AFMID: variants seen among roughly 807,000 people sequenced by gnomAD.
The protein encoded by AFMID is kynurenine formamidase.
AFMID carries 39 observed loss-of-function variants against 47.5 expected under a neutral mutation model. That is an observed-to-expected ratio of 0.82 (90% confidence interval 0.64 to 1.07). The LOEUF is 1.07. AFMID is among the 50% of genes least tolerant of loss of function. The pLI is 0.00. For synonymous variants in AFMID, 130 were observed against 153.2 expected (o/e 0.85, Z 1.12); for missense variants, 375 against 387.5 (o/e 0.97, Z 0.27).
intron 10 of AFMID, 127 bp downstream of exon 10, chr17:78,206,177 A>T (rs2076375445): frequency 6.8e-6 from 5 of 740,408 alleles, no homozygotes; most frequent in Non-Finnish European, 1.1e-5. Flanking sequence ...GTCTACTAAA[A>T]ATACAAAACA....
Position 78,204,853 on chromosome 17 carries a change from G to T in AFMID, c.420G>T (p.Gln140His). Residue 140 changes from glutamine (Q) to histidine (H), a missense_variant, in exon 6 of 11, where the codon CAG becomes CAT. By Grantham distance (24) the Gln-to-His change is conservative (BLOSUM62 0). Transcript: ENST00000409257. ...GCACCCTGGACCACATGGTAGACCA[G>T]GTGACCCGCAGCGTTGCGTTTGTCC... ...PKGTLDHMVDQVTRSVAFVQK... is the reference protein window; with the variant it reads ...PKGTLDHMVDHVTRSVAFVQK... The T allele has an allele frequency of 6.2e-7, 1 of 1,614,234 alleles. No homozygotes were observed. The highest frequency in any genetic ancestry group is 8.5e-7 in the Non-Finnish European group (1 of 1,180,042).
At position 78,204,826 on chromosome 17, in the gene AFMID, A is replaced by T. The variant is rs138105144; in HGVS notation, c.395-2A>T. 6.2e-7 allele frequency: 1 copy of T among 1,614,116 alleles called. No individual in the cohort carries two copies. Among genetic ancestry groups the T allele is most frequent in the Non-Finnish European group, 8.5e-7 (1 of 1,180,046 alleles). ...CTGACCCAGCTCATGCTCTCTGTGC[A>T]GGCACCCTGGACCACATGGTAGACC... On this transcript the variant is annotated splice_acceptor_variant, in intron 5 of 10. Transcript: ENST00000409257. LOFTEE classifies it high-confidence loss of function.
In AFMID at chr17:78,187,363, T is replaced by C; in HGVS notation, c.-8T>C. The C allele has an allele frequency of 1.2e-6, 2 of 1,613,806 alleles. No individual in the cohort carries two copies. The highest frequency in any genetic ancestry group is 1.1e-5 in the South Asian group (1 of 91,078). The stretch of plus-strand genomic sequence containing the variant: ...AGAGGGACGCACGCCCATGCGGCTG[T>C]AGACGCCATGATGGATGTGTCTGGT... On this transcript the variant is annotated 5_prime_UTR_variant, in exon 1 of 11. Coordinates refer to ENST00000409257, the MANE Select transcript of AFMID (RefSeq NM_001010982.5).
chr17:78,192,847 T>G (rs958350178), intron 2 of AFMID: 1 of 274,948 alleles, frequency 3.6e-6, no homozygotes, highest in Non-Finnish European at 7.6e-6. Context: ...CAACACAGCC[T>G]TTCAGAGGCA....
At chr17:78,189,977 G>A (rs1002655941) in intron 1 of AFMID, among the ~76,000 whole-genome samples, 3 of 151,410 alleles carry the variant, frequency 2.0e-5, no homozygotes, top group Admixed American at 6.6e-5. Flanking sequence ...GATTACAGGC[G>A]CGCGTCACCA....
intron 10 of AFMID, 84 bp from the exon 11 acceptor site, chr17:78,206,827 C>T: frequency 2.0e-6 from 3 of 1,509,978 alleles, no homozygotes; most frequent in South Asian, 1.1e-5. Flanking sequence ...CCACTGCATC[C>T]AGCCCTGTCT....
chr17:78,207,044 G>A lies in AFMID; in HGVS notation c.*107G>A. ...AGCTTCAGTTTCCCCCAGCACCCAG[G>A]AGAGCCTTGCTGTGTCTGTCTGCCC... is the stretch of plus-strand genomic sequence containing the variant. On this transcript the variant is annotated 3_prime_UTR_variant, in exon 11 of 11. Coordinates refer to ENST00000409257, the MANE Select transcript of AFMID (RefSeq NM_001010982.5). 8.1e-7 allele frequency: 1 copy of A among 1,238,880 alleles called. No individual in the cohort carries two copies. Among genetic ancestry groups the A allele is most frequent in the South Asian group, 1.2e-5 (1 of 83,252 alleles). 76.7% of individuals were successfully genotyped at this position (1,238,880 alleles called of 1,614,324 possible).
intron 2 of AFMID, 31 bp downstream of exon 2, chr17:78,191,091 G>A (rs1297247605): frequency 6.3e-7 from 1 of 1,585,060 alleles, no homozygotes; most frequent in South Asian, 1.1e-5. Context: ...TGGCCGCATT[G>A]GGTGTCCTTA....
At chr17:78,202,082 C>T (rs1377584876) in intron 2 of AFMID, among the ~76,000 whole-genome samples, 4 of 151,858 alleles carry the variant, frequency 2.6e-5, no homozygotes, top group African/African-American at 9.7e-5. Flanking sequence ...AACACGCCAA[C>T]TTAAGGGAGC....
At chr17:78,194,428 G>A (rs1482154282) in intron 2 of AFMID, among the ~76,000 whole-genome samples, 1 of 151,918 alleles carries the variant, frequency 6.6e-6, no homozygotes, top group Non-Finnish European at 1.5e-5. Context: ...CTTTGCACCA[G>A]GGAGAATTAT....
chr17:78,199,114 G>C (rs1828710830), intron 2 of AFMID, among the ~76,000 whole-genome samples: 1 of 152,214 alleles, frequency 6.6e-6, no homozygotes, highest in African/African-American at 2.4e-5. Context: ...CGTGGGTGCT[G>C]GCAAAACAGG....
Position 78,188,148 on chromosome 17 carries a change from C to T in AFMID, c.63+715C>T, listed in dbSNP as rs148370965. Among the ~76,000 whole-genome samples the T allele has an allele frequency of 2.7e-3, 407 of 149,668 alleles. 3 individuals carry two copies. The highest frequency in any genetic ancestry group is 9.5e-3 in the African/African-American group (387 of 40,626). ...AGGTTAGAAACATACAGGCCGGGTGCGGTGGCTCAAAAAAAAAAAGAAAGA... is the reference window on the plus strand; with the variant it reads ...AGGTTAGAAACATACAGGCCGGGTGTGGTGGCTCAAAAAAAAAAAGAAAGA... On this transcript the variant is annotated intron_variant, in intron 1 of 10. Transcript: ENST00000409257.
At chr17:78,194,697 AC>A (rs2076062632) in intron 2 of AFMID, among the ~76,000 whole-genome samples, 1 of 151,800 alleles carries the variant, frequency 6.6e-6, no homozygotes, top group African/African-American at 2.4e-5. Flanking sequence ...CAGTAAAAAT[AC>A]TTTTTTTTTT....
intron 2 of AFMID, among the ~76,000 whole-genome samples, chr17:78,191,635 T>C (rs2075970958): frequency 6.6e-6 from 1 of 150,888 alleles, no homozygotes; most frequent in African/African-American, 2.4e-5. Flanking sequence ...ATTACATCAT[T>C]GCATGCCAGC....
chr17:78,189,527 GTT>G (rs61172116), intron 1 of AFMID, among the ~76,000 whole-genome samples: 39 of 140,622 alleles, frequency 2.8e-4, no homozygotes, highest in African/African-American at 5.0e-4. Context: ...CCAGTGTTTT[GTT>G]TTTTTTTTTT....
chr17:78,207,014 C>G lies in AFMID; in HGVS notation c.*77C>G. The G allele has an allele frequency of 3.4e-6, 5 of 1,452,224 alleles. No homozygotes were observed. The highest frequency in any genetic ancestry group is 1.1e-5 in the South Asian group (1 of 87,666). The allele number at this position is 1,452,224 out of a possible 1,614,324, so 90.0% of individuals were successfully genotyped here. Reference sequence around the variant, plus strand: ...CTCCAAAGAGCTTTCGGAGCTGACACTGACAGCTTCAGTTTCCCCCAGCAC... The same window carrying G: ...CTCCAAAGAGCTTTCGGAGCTGACAGTGACAGCTTCAGTTTCCCCCAGCAC... On this transcript the variant is annotated 3_prime_UTR_variant, in exon 11 of 11. Coordinates refer to ENST00000409257, the MANE Select transcript of AFMID (RefSeq NM_001010982.5).
intron 4 of AFMID, among the ~76,000 whole-genome samples, chr17:78,204,406 C>G (rs1245407209): frequency 6.6e-6 from 1 of 152,238 alleles, no homozygotes; most frequent in Admixed American, 6.5e-5. Context: ...CACCATTGCA[C>G]TCCAGCCTGG....
chr17:78,196,531 G>A (rs1236013489), intron 2 of AFMID, among the ~76,000 whole-genome samples: 1 of 151,786 alleles, frequency 6.6e-6, no homozygotes, highest in Non-Finnish European at 1.5e-5. Context: ...ATACAAAAAT[G>A]AGCCAGGCAT....
rs1309893750 is a variant in AFMID at position 78,205,656 on chromosome 17, T to C, written c.698T>C (p.Val233Ala). Residue 233 changes from valine (V) to alanine (A), a missense_variant, in exon 9 of 11, where the codon GTG (valine) becomes GCG (alanine). By Grantham distance (64) the Val-to-Ala change is moderately conservative (BLOSUM62 0). Coordinates refer to ENST00000409257, the MANE Select transcript of AFMID (RefSeq NM_001010982.5). ...CTGAAGGTGGCCCAGGCACAGCCGGTGGACCCCACCTGCCGTGTGCTGGTG... is the reference window on the plus strand; with the variant it reads ...CTGAAGGTGGCCCAGGCACAGCCGGCGGACCCCACCTGCCGTGTGCTGGTG... ...PQLKVAQAQP[V>A]DPTCRVLVVV... 11 of 1,613,666 alleles carry C rather than the reference T, an allele frequency of 6.8e-6. No individual in the cohort carries two copies. The highest frequency in any genetic ancestry group is 9.3e-6 in the Non-Finnish European group (11 of 1,179,970).
Sources: gnomAD v4.1 joint callset for allele counts (sites outside exome capture counted in the v4.1 genomes callset) on GRCh38, gnomAD v4.1.1 for gene constraint, MANE v1.5 for transcripts, NCBI Gene and HGNC (gene_info 2026-07-23, HGNC 2026-07-21) for gene names.